NTRK2: variants seen among roughly 807,000 people sequenced by gnomAD.
NTRK2 encodes the protein neurotrophic receptor tyrosine kinase 2, also known as BDNF/NT-3 growth factors receptor.
Under a neutral mutation model 94.5 loss-of-function variants are expected in NTRK2, and 13 were observed. The ratio of observed to expected loss-of-function variants is 0.14; its 90% CI spans 0.09 to 0.22. The LOEUF is 0.22. Among genes scored for constraint, NTRK2 ranks in the 10% least tolerant of loss-of-function variants. The probability of loss-of-function intolerance (pLI) is 1.00; values close to 1 mark genes in which losing one functional copy is unlikely to be tolerated. For synonymous variants in NTRK2, 372 were observed against 407.4 expected, an observed-to-expected ratio of 0.91 and a Z score of 1.05; for missense variants, 639 against 1,071.2, an observed-to-expected ratio of 0.60 and a Z score of 5.63.
At chr9:84,927,403 A>G (rs1204756575) in intron 14 of NTRK2, among the ~76,000 whole-genome samples, 3 of 151,848 alleles carry the variant, frequency 2.0e-5, no homozygotes, top group Non-Finnish European at 4.4e-5. Context: ...ATATAAGTAC[A>G]TGGGTTTTTC....
chr9:84,843,461 G>T (rs937289805), intron 12 of NTRK2, among the ~76,000 whole-genome samples: 2 of 152,188 alleles, frequency 1.3e-5, no homozygotes, highest in Non-Finnish European at 2.9e-5. Flanking sequence ...ACTGAGAGGT[G>T]AGCCAGCTGC....
At chr9:84,979,801 C>T (rs1445322529) in intron 17 of NTRK2, among the ~76,000 whole-genome samples, 1 of 152,206 alleles carries the variant, frequency 6.6e-6, no homozygotes, top group Non-Finnish European at 1.5e-5. Flanking sequence ...CCTTTAACAA[C>T]CACCTGACCA....
chr9:84,881,515 C>A (rs146643927), intron 14 of NTRK2, among the ~76,000 whole-genome samples: 1 of 152,132 alleles, frequency 6.6e-6, no homozygotes, highest in Non-Finnish European at 1.5e-5. Context: ...TTGGCATCTC[C>A]GGCTCCTAGA....
At chr9:84,707,762 G>A in intron 4 of NTRK2, 82 bp from the exon 5 acceptor site, 2 of 1,091,374 alleles carry the variant, frequency 1.8e-6, no homozygotes, top group Non-Finnish European at 2.8e-6. Flanking sequence ...ATTATATTTT[G>A]AAAAACAAAT....
rs1289127837 is a variant in NTRK2 at position 84,955,525 on chromosome 9, G to T, written c.2172+8G>T. The T allele has an allele frequency of 5.6e-6, 9 of 1,609,404 alleles. No individual in the cohort carries two copies. The highest frequency in any genetic ancestry group is 5.0e-5 in the Admixed American group (3 of 59,970). On this transcript the variant is annotated splice_region_variant and intron_variant, in intron 17 of 18. Transcript: ENST00000277120. ...AGCACTGACTACTACAGGGTGAGTA[G>T]CTGTGCAGATCAGAGACCCCAGGGA...
intron 14 of NTRK2, among the ~76,000 whole-genome samples, chr9:84,930,524 C>T (rs2077986791): frequency 2.0e-5 from 3 of 152,088 alleles, no homozygotes; most frequent in Admixed American, 1.3e-4. Flanking sequence ...CCTGAAGTAC[C>T]AGGGGATGAG....
chr9:84,742,629 C>T (rs1242667082), intron 10 of NTRK2, among the ~76,000 whole-genome samples: 1 of 152,038 alleles, frequency 6.6e-6, no homozygotes. Context: ...CATTCTTGCC[C>T]TTATTACTGC....
At chr9:84,999,849 T>G (rs960182314) in intron 17 of NTRK2, among the ~76,000 whole-genome samples, 43 of 152,096 alleles carry the variant, frequency 2.8e-4, no homozygotes, top group African/African-American at 7.7e-4. Context: ...CCCCACTGTT[T>G]CCTGTAGGTT....
At chr9:84,785,815 G>A (rs1339410636) in intron 12 of NTRK2, among the ~76,000 whole-genome samples, 1 of 152,154 alleles carries the variant, frequency 6.6e-6, no homozygotes, top group Non-Finnish European at 1.5e-5. Flanking sequence ...AAGAAGAGTT[G>A]TGGGACTAAC....
chr9:84,879,999 A>G (rs2076207756), intron 14 of NTRK2, among the ~76,000 whole-genome samples: 1 of 152,212 alleles, frequency 6.6e-6, no homozygotes. Flanking sequence ...TTAAATGATC[A>G]TGAATATAAA....
intron 12 of NTRK2, among the ~76,000 whole-genome samples, chr9:84,767,108 C>T (rs2066109621): frequency 6.6e-6 from 1 of 152,178 alleles, no homozygotes; most frequent in Admixed American, 6.5e-5. Context: ...TTCTCATCTT[C>T]AGCCTGATTC....
chr9:84,844,999 C>T (rs1281707852), intron 12 of NTRK2, among the ~76,000 whole-genome samples: 1 of 152,042 alleles, frequency 6.6e-6, no homozygotes, highest in Non-Finnish European at 1.5e-5. Flanking sequence ...AACACTTTTA[C>T]ACTGCTGGTA....
chr9:84,755,525 CTTTTTTTTTTTTT>C (rs745611460), intron 12 of NTRK2, among the ~76,000 whole-genome samples: 21 of 60,656 alleles, frequency 3.5e-4, no homozygotes, highest in African/African-American at 1.1e-3. Context: ...AGTCCCACCT[CTTTTTTTTTTTTT>C]TTTTTTTTTT....
intron 16 of NTRK2, among the ~76,000 whole-genome samples, chr9:84,953,288 A>G (rs1363327794): frequency 1.3e-5 from 2 of 152,244 alleles, no homozygotes; most frequent in Non-Finnish European, 2.9e-5. Flanking sequence ...TTCATTTTTA[A>G]AGAGAATCTT....
At chr9:84,851,374 C>CCAA (rs2074760316) in intron 12 of NTRK2, among the ~76,000 whole-genome samples, 1 of 152,106 alleles carries the variant, frequency 6.6e-6, no homozygotes, top group Admixed American at 6.5e-5. Context: ...ATAGTTAATT[C>CCAA]GTTTGACCAG....
At chr9:84,945,987 G>A (rs573822409) in intron 15 of NTRK2, among the ~76,000 whole-genome samples, 100 of 152,228 alleles carry the variant, frequency 6.6e-4, no homozygotes, top group Admixed American at 5.4e-3. Flanking sequence ...CACATTCAAG[G>A]TCTCCAGGTC....
intron 17 of NTRK2, among the ~76,000 whole-genome samples, chr9:84,972,169 C>T (rs766721082): frequency 8.5e-5 from 13 of 152,146 alleles, no homozygotes; most frequent in Non-Finnish European, 1.5e-4. Flanking sequence ...TAAATGTGGA[C>T]ATACTAGCTA....
At chr9:84,840,288 T>TA (rs1486557786) in intron 12 of NTRK2, among the ~76,000 whole-genome samples, 18 of 138,022 alleles carry the variant, frequency 1.3e-4, no homozygotes, top group Admixed American at 9.5e-4. Context: ...TTTTTTTTTT[T>TA]AACTCTTTCT....
At position 84,955,307 on chromosome 9, in the gene NTRK2, G is replaced by A. The variant is rs147669506; in HGVS notation, c.1962G>A (p.Leu654=). Residue 654 remains leucine (L), a synonymous_variant, in exon 17 of 19, where the codon CTG becomes CTA. Coordinates refer to ENST00000277120, the MANE Select transcript of NTRK2 (RefSeq NM_006180.6). ...FLRAHGPDAV[L]MAEGNPPTEL... ...GGGCACACGGCCCTGATGCCGTGCTGATGGCTGAGGGCAACCCGCCCACGG... is the reference window on the plus strand; with the variant it reads ...GGGCACACGGCCCTGATGCCGTGCTAATGGCTGAGGGCAACCCGCCCACGG... The A allele has an allele frequency of 2.3e-5, 37 of 1,607,928 alleles. No individual in the cohort carries two copies. In the African/African-American group the frequency reaches 4.3e-4, roughly 19 times the overall value.
Sources: gnomAD v4.1 joint callset for allele counts (sites outside exome capture counted in the v4.1 genomes callset) on GRCh38, gnomAD v4.1.1 for gene constraint, MANE v1.5 for transcripts, NCBI Gene and HGNC (gene_info 2026-07-23, HGNC 2026-07-21) for gene names.